The following SLC8A3 variants were observed in gnomAD, a reference collection of about 807,000 sequenced individuals.
The protein encoded by SLC8A3 is solute carrier family 8 member A3, also known as sodium/calcium exchanger 3.
SLC8A3 carries 37 observed loss-of-function variants against 65.4 expected under a neutral mutation model. The observed-to-expected ratio is 0.57, with a 90% CI of 0.44 to 0.74. SLC8A3 has a LOEUF of 0.74. Among genes scored for constraint, SLC8A3 ranks in the 30% least tolerant of loss-of-function variants. The pLI is 0.00. For missense variants in SLC8A3, 1,112 were observed against 1,172.1 expected (o/e 0.95, Z 0.75); for synonymous variants, 461 against 444.5 (o/e 1.04, Z -0.47).
chr14:70,111,249 T>G (rs1336367657), intron 2 of SLC8A3, among the ~76,000 whole-genome samples: 1 of 152,246 alleles, frequency 6.6e-6, no homozygotes, highest in Non-Finnish European at 1.5e-5. Context: ...TTGATTTGCA[T>G]TTCTCTGATG....
rs1489047622 is a variant in SLC8A3 at position 70,166,667 on chromosome 14, C to T, written c.1756G>A (p.Glu586Lys). The T allele has an allele frequency of 1.9e-6, 3 of 1,607,802 alleles. No individual in the cohort carries two copies. The highest frequency in any genetic ancestry group is 1.1e-5 in the South Asian group (1 of 90,100). The change falls in exon 2 of 7, where the codon GAG becomes AAG. Residue 586 changes from glutamate (E) to lysine (K), a missense_variant. By Grantham distance (56) the Glu-to-Lys change is moderately conservative (BLOSUM62 1). Coordinates refer to ENST00000356921, the MANE Select transcript of SLC8A3 (RefSeq NM_182932.3). Reference sequence around the variant, plus strand: ...GTTTCATCATTCTTGAATTCCAACTCCCCATATGTGTCTTCAAAGTCCTCA... The same window carrying T: ...GTTTCATCATTCTTGAATTCCAACTTCCCATATGTGTCTTCAAAGTCCTCA... Reference protein sequence around the residue: ...GGEDFEDTYGELEFKNDETVK... With the variant: ...GGEDFEDTYGKLEFKNDETVK...
intron 2 of SLC8A3, among the ~76,000 whole-genome samples, chr14:70,140,078 A>G (rs1170949711): frequency 1.3e-5 from 2 of 152,206 alleles, no homozygotes; most frequent in African/African-American, 2.4e-5. Flanking sequence ...TTTGCACCTA[A>G]TACCTTTGAT....
chr14:70,092,594 TC>T (rs1891879531), intron 2 of SLC8A3, among the ~76,000 whole-genome samples: 1 of 152,212 alleles, frequency 6.6e-6, no homozygotes, highest in Admixed American at 6.5e-5. Context: ...GGAGTGGCTA[TC>T]TTTTTACATA....
chr14:70,186,123 G>A (rs574300572), intron 1 of SLC8A3, among the ~76,000 whole-genome samples: 17 of 152,152 alleles, frequency 1.1e-4, no homozygotes, highest in African/African-American at 4.1e-4. Flanking sequence ...CCATGCTGCT[G>A]TTCTTGTGAC....
chr14:70,080,921 G>T (rs930377514), intron 2 of SLC8A3, among the ~76,000 whole-genome samples: 1 of 152,202 alleles, frequency 6.6e-6, no homozygotes, highest in Non-Finnish European at 1.5e-5. Flanking sequence ...AAATGACATA[G>T]ATAGGTTGGC....
At chr14:70,120,864 C>A (rs577060670) in intron 2 of SLC8A3, among the ~76,000 whole-genome samples, 1 of 152,306 alleles carries the variant, frequency 6.6e-6, no homozygotes, top group Non-Finnish European at 1.5e-5. Context: ...GATATGATTT[C>A]TGGCCCCACG....
At chr14:70,068,541 C>T (rs1280569256) in intron 2 of SLC8A3, among the ~76,000 whole-genome samples, 2 of 151,950 alleles carry the variant, frequency 1.3e-5, no homozygotes, top group South Asian at 2.1e-4. Context: ...CCATGCCCAG[C>T]TAATTTTTAA....
At chr14:70,134,432 CTGATCCTCTCCAGGTT>C (rs1322900332) in intron 2 of SLC8A3, among the ~76,000 whole-genome samples, 2 of 152,174 alleles carry the variant, frequency 1.3e-5, no homozygotes, top group Non-Finnish European at 2.9e-5. Context: ...AGTCCCTAAC[CTGATCCTCTCCAGGTT>C]TGTCCGAACA....
chr14:70,167,485 C>A lies in SLC8A3; in HGVS notation c.938G>T (p.Arg313Leu). 1 of 1,614,058 alleles carries A rather than the reference C, an allele frequency of 6.2e-7. No individual in the cohort carries two copies. Among genetic ancestry groups the A allele is most frequent in the Non-Finnish European group, 8.5e-7 (1 of 1,180,010 alleles). The change falls in exon 2 of 7, where the codon CGC becomes CTC. Residue 313 changes from arginine to leucine, a missense_variant. By Grantham distance (102) the Arg-to-Leu change is moderately radical. Transcript: ENST00000356921. Reference sequence around the variant, plus strand: ...CTTGAGAATCCGGATCATCTCTCTGCGGGACTCATCCACTTCCTTCCCTTC... The same window carrying A: ...CTTGAGAATCCGGATCATCTCTCTGAGGGACTCATCCACTTCCTTCCCTTC... ...PLEGKEVDES[R>L]REMIRILKDL...
chr14:70,099,452 T>A (rs1385654980), intron 2 of SLC8A3, among the ~76,000 whole-genome samples: 2 of 152,240 alleles, frequency 1.3e-5, no homozygotes, highest in Non-Finnish European at 2.9e-5. Context: ...AGCTCCTTCA[T>A]GGACTAGCAT....
At chr14:70,143,933 T>C (rs1309951544) in intron 2 of SLC8A3, among the ~76,000 whole-genome samples, 2 of 152,158 alleles carry the variant, frequency 1.3e-5, no homozygotes, top group Admixed American at 1.3e-4. Flanking sequence ...TTTGGTCCTC[T>C]CCCTCTTCTT....
intron 2 of SLC8A3, among the ~76,000 whole-genome samples, chr14:70,138,109 A>C (rs61978162): frequency 0.12 from 17,628 of 152,082 alleles, 1,229 homozygotes; most frequent in Non-Finnish European, 0.16. Flanking sequence ...GCTCACACTG[A>C]CAGTGTAACC....
chr14:70,101,887 C>T (rs979326528), intron 2 of SLC8A3, among the ~76,000 whole-genome samples: 9 of 152,086 alleles, frequency 5.9e-5, no homozygotes, highest in African/African-American at 2.2e-4. Flanking sequence ...GTTTAGCTCC[C>T]CTGAGAAGGC....
intron 2 of SLC8A3, among the ~76,000 whole-genome samples, chr14:70,071,585 G>A (rs1318354895): frequency 6.6e-6 from 1 of 152,178 alleles, no homozygotes; most frequent in Non-Finnish European, 1.5e-5. Flanking sequence ...TCTGCTGATG[G>A]CCTGAATAAG....
At chr14:70,065,033 T>C (rs561264655) in intron 2 of SLC8A3, among the ~76,000 whole-genome samples, 16 of 152,248 alleles carry the variant, frequency 1.1e-4, no homozygotes, top group African/African-American at 2.9e-4. Context: ...CTCCCCTCAG[T>C]TGTGGGAGTG....
rs903811342 is a variant in SLC8A3, at chr14:70,109,447, G to A, written c.1785-48508C>T. Among the ~76,000 whole-genome samples, 10 of 54,644 alleles carry A rather than the reference G, an allele frequency of 1.8e-4. No individual in the cohort carries two copies. In the South Asian group the frequency reaches 5.5e-3, roughly 30 times the overall value. 35.8% of individuals were successfully genotyped at this position (54,644 alleles called of 152,430 possible). On this transcript the variant is annotated intron_variant, in intron 2 of 6. Coordinates refer to ENST00000356921, the MANE Select transcript of SLC8A3 (RefSeq NM_182932.3). ...TGTATATATATACATGTATATGTAC[G>A]TGTGTGTATATATATATATATATAT... is the stretch of plus-strand genomic sequence containing the variant.
intron 1 of SLC8A3, among the ~76,000 whole-genome samples, chr14:70,186,551 A>G (rs1296270750): frequency 6.6e-6 from 1 of 152,228 alleles, no homozygotes; most frequent in Admixed American, 6.5e-5. Context: ...ATCAAGTTAA[A>G]GAAAGAACCA....
intron 2 of SLC8A3, among the ~76,000 whole-genome samples, chr14:70,096,456 G>T (rs1424150735): frequency 6.6e-6 from 1 of 152,132 alleles, no homozygotes; most frequent in African/African-American, 2.4e-5. Context: ...TGTGCAAGAA[G>T]ATTTCAGCTG....
intron 2 of SLC8A3, among the ~76,000 whole-genome samples, chr14:70,103,278 C>CT (rs1892651691): frequency 6.6e-6 from 1 of 151,944 alleles, no homozygotes; most frequent in East Asian, 1.9e-4. Flanking sequence ...AAGTTCTGCA[C>CT]TGAAATGCTA....
Sources: gnomAD v4.1 joint callset for allele counts (sites outside exome capture counted in the v4.1 genomes callset) on GRCh38, gnomAD v4.1.1 for gene constraint, MANE v1.5 for transcripts, NCBI Gene and HGNC (gene_info 2026-07-23, HGNC 2026-07-21) for gene names.